FBXL13: variants seen among roughly 807,000 people sequenced by gnomAD.
FBXL13 encodes F-box and leucine rich repeat protein 13.
In FBXL13, 67 loss-of-function variants were observed where a neutral mutation model predicts 83.6. The ratio of observed to expected loss-of-function variants is 0.80; its 90% CI spans 0.66 to 0.98. The LOEUF is 0.98. Among genes scored for constraint, FBXL13 ranks in the 50% least tolerant of loss-of-function variants. The pLI is 0.00. For synonymous variants in FBXL13, 272 were observed against 299.5 expected (o/e 0.91, Z 0.95); for missense variants, 822 against 866.5 (o/e 0.95, Z 0.64).
chr7:103,030,762 T>A lies in FBXL13; in HGVS notation c.1-1344A>T, dbSNP rs937085176. On this transcript the variant is annotated intron_variant, in intron 2 of 19. Coordinates refer to ENST00000313221, the Ensembl canonical transcript of FBXL13. ...TTTGAACTCAAGTTTTCTTTTCTGA[T>A]GATCAACTCTTTAAAACAGCATAAA... 1.3e-5 allele frequency among the ~76,000 whole-genome samples: 2 copies of A among 152,234 alleles called. 1 individual carries two copies. Among genetic ancestry groups the A allele is most frequent in the South Asian group, 4.1e-4 (2 of 4,830 alleles).
At chr7:102,946,654 A>T (rs1313621237) in intron 8 of FBXL13, among the ~76,000 whole-genome samples, 3 of 5,636 alleles carry the variant, frequency 5.3e-4, no homozygotes, top group Non-Finnish European at 2.1e-3. Context: ...TTTTTATTTT[A>T]TTTATTTATT....
At chr7:102,963,113 G>A (rs1825533046) in intron 8 of FBXL13, among the ~76,000 whole-genome samples, 1 of 151,282 alleles carries the variant, frequency 6.6e-6, no homozygotes, top group Non-Finnish European at 1.5e-5. Context: ...GAGGTCAGGA[G>A]TTTGAGACCA....
rs75870421 is a variant in FBXL13 at position 102,936,505 on chromosome 7, G to A, written c.725-4572C>T. Among the ~76,000 whole-genome samples, 533 of 152,220 alleles carry A rather than the reference G, an allele frequency of 3.5e-3. 3 individuals are homozygous for A. Among genetic ancestry groups the A allele is most frequent in the African/African-American group, 0.013 (520 of 41,512 alleles). Reference sequence around the variant, plus strand: ...ATGTAGTTTTTCTATAGCCAGAGTGGGTAGAATTTCCCGGATATTGTTATG... The same window carrying A: ...ATGTAGTTTTTCTATAGCCAGAGTGAGTAGAATTTCCCGGATATTGTTATG... On this transcript the variant is annotated intron_variant, in intron 8 of 19. Transcript: ENST00000313221.
At chr7:102,891,450 T>G (rs1216028792) in intron 11 of FBXL13, among the ~76,000 whole-genome samples, 2 of 152,218 alleles carry the variant, frequency 1.3e-5, no homozygotes, top group Admixed American at 1.3e-4. Flanking sequence ...CTAGTTTCCC[T>G]CCCAAGAAGC....
chr7:102,958,177 C>T lies in FBXL13; in HGVS notation c.724+5356G>A, dbSNP rs189025162. 2.0e-3 allele frequency among the ~76,000 whole-genome samples: 304 copies of T among 152,228 alleles called. 2 individuals carry two copies. The highest frequency in any genetic ancestry group is 7.0e-3 in the African/African-American group (290 of 41,512). On this transcript the variant is annotated intron_variant, in intron 8 of 19. Transcript: ENST00000313221. ...ATAGACTGGATTAAGAAAAACGTGG[C>T]ACATATACACCATGGAATACTATGC... is the stretch of plus-strand genomic sequence containing the variant.
chr7:102,909,987 C>T (rs541618319), intron 11 of FBXL13, among the ~76,000 whole-genome samples: 1 of 152,264 alleles, frequency 6.6e-6, no homozygotes, highest in African/African-American at 2.4e-5. Context: ...TCCTTATGGC[C>T]TAGACTGCCT....
At chr7:102,894,760 G>C (rs978003641) in intron 11 of FBXL13, among the ~76,000 whole-genome samples, 1 of 150,714 alleles carries the variant, frequency 6.6e-6, no homozygotes, top group Non-Finnish European at 1.5e-5. Context: ...GAGAGAGAGA[G>C]AAAATACTTT....
chr7:103,073,686 G>A (rs1270257595), intron 1 of FBXL13, among the ~76,000 whole-genome samples: 1 of 152,054 alleles, frequency 6.6e-6, no homozygotes, highest in Non-Finnish European at 1.5e-5. Flanking sequence ...TAGATCCCTA[G>A]AAGTAGAAAT....
intron 6 of FBXL13, among the ~76,000 whole-genome samples, chr7:103,013,726 T>C (rs1292665210): frequency 6.6e-6 from 1 of 151,386 alleles, no homozygotes; most frequent in Non-Finnish European, 1.5e-5. Flanking sequence ...CTAGAGGAAT[T>C]AGAGAAACAA....
intron 11 of FBXL13, among the ~76,000 whole-genome samples, chr7:102,901,584 T>C (rs1231427369): frequency 1.3e-5 from 2 of 152,196 alleles, no homozygotes; most frequent in Non-Finnish European, 2.9e-5. Flanking sequence ...CTGGTAATCA[T>C]CCTTCTACTC....
At chr7:103,049,079 C>T (rs1246157267) in intron 2 of FBXL13, among the ~76,000 whole-genome samples, 3 of 152,212 alleles carry the variant, frequency 2.0e-5, no homozygotes, top group Non-Finnish European at 1.5e-5. Flanking sequence ...TTGTCCTAAA[C>T]ATCCCTCTTT....
At chr7:103,003,513 C>A (rs965042818) in intron 6 of FBXL13, among the ~76,000 whole-genome samples, 3 of 151,992 alleles carry the variant, frequency 2.0e-5, no homozygotes, top group Non-Finnish European at 4.4e-5. Context: ...TCTCAAACTG[C>A]TGACCTCGTG....
In FBXL13 at chr7:102,990,226, T is replaced by C. The variant is rs189858142; in HGVS notation, c.496-22109A>G. Among the ~76,000 whole-genome samples, 363 of 152,062 alleles carry C rather than the reference T, an allele frequency of 2.4e-3. 1 individual carries two copies. The highest frequency in any genetic ancestry group is 5.0e-3 in the Admixed American group (77 of 15,258). ...GAGAGCCAAAGCCAACATCTGGAGG[T>C]ACAGTCAGACCAGAGCCAACATCTG... On this transcript the variant is annotated intron_variant, in intron 6 of 19. Transcript: ENST00000313221.
chr7:103,051,606 A>G (rs1003785410), intron 2 of FBXL13, among the ~76,000 whole-genome samples: 3 of 152,216 alleles, frequency 2.0e-5, no homozygotes, highest in African/African-American at 7.2e-5. Flanking sequence ...TTCTGACACC[A>G]TCTGATAAAA....
chr7:102,854,788 C>T, exon 17 of FBXL13: 1 of 1,576,944 alleles, frequency 6.3e-7, no homozygotes, highest in Non-Finnish European at 8.6e-7. Context: ...TGAATTCCAT[C>T]ATCAGTGATT....
chr7:103,040,811 T>C (rs1396004432), intron 2 of FBXL13, among the ~76,000 whole-genome samples: 1 of 152,178 alleles, frequency 6.6e-6, no homozygotes. Flanking sequence ...CCAGAATCTC[T>C]GGGACATATT....
At chr7:102,847,027 T>A (rs1011510490) in intron 17 of FBXL13, among the ~76,000 whole-genome samples, 3 of 152,212 alleles carry the variant, frequency 2.0e-5, no homozygotes, top group Admixed American at 1.3e-4. Flanking sequence ...GAAAATGATA[T>A]GAAATTCAAA....
intron 10 of FBXL13, among the ~76,000 whole-genome samples, chr7:102,916,973 TTAC>T (rs781168676): frequency 1.2e-4 from 19 of 152,234 alleles, no homozygotes; most frequent in Middle Eastern, 6.8e-3. Flanking sequence ...CCTGAAGGAC[TTAC>T]TACTAAGATG....
At chr7:102,944,041 T>C (rs534248932) in intron 8 of FBXL13, among the ~76,000 whole-genome samples, 1 of 152,286 alleles carries the variant, frequency 6.6e-6, no homozygotes, top group African/African-American at 2.4e-5. Flanking sequence ...GTACTTATAG[T>C]TAAAAGTTTT....
Sources: allele counts gnomAD v4.1 joint callset (sites outside exome capture counted in the v4.1 genomes callset), GRCh38; gene constraint gnomAD v4.1.1; transcripts MANE v1.5; gene names NCBI Gene and HGNC (gene_info 2026-07-23, HGNC 2026-07-21).